The following GREM2 variants were observed in gnomAD, a reference collection of about 807,000 sequenced individuals.
The protein encoded by GREM2 is gremlin-2.
A neutral mutation model predicts 14.2 loss-of-function variants in GREM2; 11 were observed. That is an observed-to-expected ratio of 0.78 (90% CI 0.49 to 1.28). GREM2 has a LOEUF of 1.28. Ranked by LOEUF, GREM2 falls within the 50% of genes most tolerant of loss-of-function variation. GREM2 has a pLI of 0.00. For missense variants in GREM2, 210 were observed against 218.5 expected, an observed-to-expected ratio of 0.96 and a Z score of 0.24; for synonymous variants, 98 against 97.6, an observed-to-expected ratio of 1.00 and a Z score of -0.02.
chr1:240,489,958 T>G lies in GREM2; in HGVS notation c.*3011A>C, dbSNP rs1013353444. The G allele has an allele frequency of 1.3e-5, 2 of 152,218 alleles. No individual in the cohort carries two copies. Among genetic ancestry groups the G allele is most frequent in the African/African-American group, 4.8e-5 (2 of 41,450 alleles). 9.4% of individuals were successfully genotyped at this position (152,218 alleles called of 1,614,324 possible). A position where few individuals can be genotyped will look rare whatever the true frequency, so the allele number is the denominator to read the frequency against. ...TACACAGTGGATCAACCATGTGCAG[T>G]TTGATTGTGGATTTTATTTTTTATT... On this transcript the variant is annotated 3_prime_UTR_variant, in exon 2 of 2. Coordinates refer to ENST00000318160, the MANE Select transcript of GREM2 (RefSeq NM_022469.4).
At chr1:240,573,055 C>T (rs7543336) in intron 1 of GREM2, among the ~76,000 whole-genome samples, 34,766 of 151,936 alleles carry the variant, frequency 0.23, 4,552 homozygotes, top group East Asian at 0.35. Flanking sequence ...TTGGCTTCCA[C>T]TCAAATTTTA....
intron 1 of GREM2, among the ~76,000 whole-genome samples, chr1:240,603,761 A>G (rs1679972528): frequency 6.6e-6 from 1 of 152,044 alleles, no homozygotes; most frequent in Non-Finnish European, 1.5e-5. Flanking sequence ...ATACATATAC[A>G]TACACACACA....
rs77059449 is a variant in GREM2 at position 240,591,126 on chromosome 1, T to C, written c.-2+20758A>G. 1.3e-3 allele frequency among the ~76,000 whole-genome samples: 200 copies of C among 152,270 alleles called. 1 individual carries two copies. Among genetic ancestry groups the C allele is most frequent in the Non-Finnish European group, 2.3e-3 (154 of 68,022 alleles). ...TTCTCCTTAACTGACATTTATTTCCTCAAAGGAAATTTCCCTGTCCACCCC... is the reference window on the plus strand; with the variant it reads ...TTCTCCTTAACTGACATTTATTTCCCCAAAGGAAATTTCCCTGTCCACCCC... On this transcript the variant is annotated intron_variant, in intron 1 of 1. Coordinates refer to ENST00000318160, the MANE Select transcript of GREM2 (RefSeq NM_022469.4).
At position 240,542,398 on chromosome 1, in the gene GREM2, A is replaced by C. The variant is rs1678610995; in HGVS notation, c.-1-48922T>G. Among the ~76,000 whole-genome samples, 3 of 149,702 alleles carry C rather than the reference A, an allele frequency of 2.0e-5. No individual in the cohort carries two copies. Among genetic ancestry groups the C allele is most frequent in the Admixed American group, 1.3e-4 (2 of 14,946 alleles). On this transcript the variant is annotated intron_variant, in intron 1 of 1. Coordinates refer to ENST00000318160, the MANE Select transcript of GREM2 (RefSeq NM_022469.4). This position sits in a 1 kb window ranked among gnomAD's most constrained non-coding sequence, Gnocchi z 4.1. ...GGTGGGCAGATCACTTGCGGCCAGG[A>C]GTTCGAGACCAGCCTGGCCAACATG...
At chr1:240,522,450 T>C (rs1678122925) in intron 1 of GREM2, among the ~76,000 whole-genome samples, 1 of 152,094 alleles carries the variant, frequency 6.6e-6, no homozygotes, top group South Asian at 2.1e-4. Context: ...ACCACCAACA[T>C]CTAGTGGTAA....
At chr1:240,607,567 G>A (rs1680052467) in intron 1 of GREM2, among the ~76,000 whole-genome samples, 1 of 152,222 alleles carries the variant, frequency 6.6e-6, no homozygotes. Flanking sequence ...AAGGAACCAT[G>A]AAAGGTGGTC....
At chr1:240,560,182 T>C (rs78861787) in intron 1 of GREM2, among the ~76,000 whole-genome samples, 4,948 of 152,252 alleles carry the variant, frequency 0.032, 256 homozygotes, top group African/African-American at 0.11. Flanking sequence ...TGGTTAAGAA[T>C]TTTTACCGCT....
At position 240,578,859 on chromosome 1, in the gene GREM2, C is replaced by T. The variant is rs181406899; in HGVS notation, c.-2+33025G>A. On this transcript the variant is annotated intron_variant, in intron 1 of 1. Coordinates refer to ENST00000318160, the MANE Select transcript of GREM2 (RefSeq NM_022469.4). ...CAAATTTCAAGACTCTTCAGTAGAC[C>T]CTAATGAATGAGAAGCCCTAGGGCC... Among the ~76,000 whole-genome samples, 341 of 151,070 alleles carry T rather than the reference C, an allele frequency of 2.3e-3. 6 individuals carry two copies. Among genetic ancestry groups the T allele is most frequent in the Admixed American group, 0.022 (337 of 15,140 alleles).
At chr1:240,596,694 C>CA (rs200180176) in intron 1 of GREM2, among the ~76,000 whole-genome samples, 2,862 of 133,228 alleles carry the variant, frequency 0.021, 69 homozygotes, top group African/African-American at 0.066. Context: ...AAAACTCTGT[C>CA]AAAAAAAAAA....
In GREM2 at chr1:240,543,614, G is replaced by A. The variant is rs1678650233; in HGVS notation, c.-1-50138C>T. On this transcript the variant is annotated intron_variant, in intron 1 of 1. Coordinates refer to ENST00000318160, the MANE Select transcript of GREM2 (RefSeq NM_022469.4). This position sits in a 1 kb window ranked among gnomAD's most constrained non-coding sequence, Gnocchi z 6.4. ...ACACAGCCAAACCATACCAGGTAAGGAGTCTAACAATTCCCACAAAAAATT... is the reference window on the plus strand; with the variant it reads ...ACACAGCCAAACCATACCAGGTAAGAAGTCTAACAATTCCCACAAAAAATT... Among the ~76,000 whole-genome samples the A allele has an allele frequency of 6.6e-6, 1 of 152,128 alleles. No individual in the cohort carries two copies. The highest frequency in any genetic ancestry group is 2.4e-5 in the African/African-American group (1 of 41,438).
At chr1:240,509,306 T>A (rs1236296712) in intron 1 of GREM2, among the ~76,000 whole-genome samples, 1 of 150,544 alleles carries the variant, frequency 6.6e-6, no homozygotes, top group African/African-American at 2.4e-5. Flanking sequence ...TCAGGTGTAG[T>A]GAAGGTCAGC....
chr1:240,572,090 A>C (rs901658561), intron 1 of GREM2, among the ~76,000 whole-genome samples: 6 of 152,218 alleles, frequency 3.9e-5, no homozygotes, highest in Non-Finnish European at 7.3e-5. Context: ...ACGAATGATA[A>C]ATAAGCATCT....
At chr1:240,497,677 T>G (rs2103273213) in intron 1 of GREM2, among the ~76,000 whole-genome samples, 1 of 152,022 alleles carries the variant, frequency 6.6e-6, no homozygotes, top group East Asian at 1.9e-4. Context: ...AAAAACATTT[T>G]GTCCAGCACA....
At chr1:240,526,685 G>A (rs780999512) in intron 1 of GREM2, among the ~76,000 whole-genome samples, 21 of 152,194 alleles carry the variant, frequency 1.4e-4, no homozygotes, top group Non-Finnish European at 2.9e-4. Flanking sequence ...TTACGTGGAC[G>A]TGTCTTCAAG....
chr1:240,600,420 A>G (rs530924444), intron 1 of GREM2, among the ~76,000 whole-genome samples: 3 of 152,128 alleles, frequency 2.0e-5, no homozygotes, highest in African/African-American at 4.8e-5. Context: ...CAAGGTACCT[A>G]TGTGTCCATG....
intron 1 of GREM2, among the ~76,000 whole-genome samples, chr1:240,502,246 C>G (rs1677584840): frequency 6.6e-6 from 1 of 152,188 alleles, no homozygotes; most frequent in South Asian, 2.1e-4. Flanking sequence ...CCTGTTCACT[C>G]TTACTTCAAG....
chr1:240,559,618 A>G (rs1679005598), intron 1 of GREM2, among the ~76,000 whole-genome samples: 1 of 152,174 alleles, frequency 6.6e-6, no homozygotes, highest in Non-Finnish European at 1.5e-5. Flanking sequence ...TCCTGGGATT[A>G]CAGGCCTAAG....
intron 1 of GREM2, among the ~76,000 whole-genome samples, chr1:240,564,956 C>A (rs1679147454): frequency 1.3e-5 from 2 of 152,136 alleles, no homozygotes; most frequent in South Asian, 4.1e-4. Context: ...GGACTGGAAC[C>A]CTTTCAGGAA....
In GREM2 at chr1:240,542,596, A is replaced by G. The variant is rs1678616883; in HGVS notation, c.-1-49120T>C. Among the ~76,000 whole-genome samples the G allele has an allele frequency of 6.6e-6, 1 of 152,042 alleles. No individual in the cohort carries two copies. The highest frequency in any genetic ancestry group is 2.1e-4 in the South Asian group (1 of 4,816). The stretch of plus-strand genomic sequence containing the variant: ...TGCCCCTGCACTCCAGCCTAGTGAC[A>G]GAGCGAGACTCCATCTCAAAAATAA... On this transcript the variant is annotated intron_variant, in intron 1 of 1. Coordinates refer to ENST00000318160, the MANE Select transcript of GREM2 (RefSeq NM_022469.4). The surrounding 1 kb of genome is among the most constrained non-coding windows in gnomAD (Gnocchi z 4.1).
Sources: allele counts gnomAD v4.1 joint callset (sites outside exome capture counted in the v4.1 genomes callset), GRCh38; gene constraint gnomAD v4.1.1; non-coding constraint Gnocchi (gnomAD v3.1); transcripts MANE v1.5; gene names NCBI Gene and HGNC (gene_info 2026-07-23, HGNC 2026-07-21).